SYT1: variants seen among roughly 807,000 people sequenced by gnomAD.
SYT1 encodes the protein synaptotagmin-1.
A neutral mutation model predicts 44.8 loss-of-function variants in SYT1; 8 were observed. The ratio of observed to expected loss-of-function variants is 0.18; its 90% CI spans 0.10 to 0.32. The LOEUF is 0.32. SYT1 is among the 10% of genes least tolerant of loss of function. The probability of loss-of-function intolerance (pLI) is 1.00; values close to 1 mark genes in which losing one functional copy is unlikely to be tolerated. For missense variants in SYT1, 286 were observed against 509.3 expected (o/e 0.56, Z 4.22); for synonymous variants, 154 against 188.8 (o/e 0.82, Z 1.51).
chr12:78,998,374 A>G (rs959231754), intron 2 of SYT1, among the ~76,000 whole-genome samples: 4 of 152,104 alleles, frequency 2.6e-5, no homozygotes, highest in Non-Finnish European at 5.9e-5. Context: ...ACTCAGTGCA[A>G]CCTATGTGTG....
At chr12:78,945,193 GAATA>G (rs1190922670) in intron 1 of SYT1, among the ~76,000 whole-genome samples, 10 of 151,898 alleles carry the variant, frequency 6.6e-5, no homozygotes, top group Non-Finnish European at 1.5e-4. Context: ...TTTTGTTTCA[GAATA>G]AATAAGTAAT....
intron 4 of SYT1, among the ~76,000 whole-genome samples, chr12:79,267,279 G>A (rs1464630061): frequency 6.6e-6 from 1 of 152,122 alleles, no homozygotes; most frequent in African/African-American, 2.4e-5. Context: ...AAGAAACAAA[G>A]TAGATATTAA....
chr12:79,227,905 CAAATTGAG>C (rs1875617856), intron 4 of SYT1, among the ~76,000 whole-genome samples: 1 of 152,094 alleles, frequency 6.6e-6, no homozygotes, highest in African/African-American at 2.4e-5. Context: ...GTCAGTCACC[CAAATTGAG>C]AAAATTCCGG....
chr12:79,349,817 T>A (rs1396887505), intron 8 of SYT1, among the ~76,000 whole-genome samples: 2 of 152,208 alleles, frequency 1.3e-5, no homozygotes, highest in Non-Finnish European at 2.9e-5. Context: ...TATAAATTAC[T>A]ATGCAGCCAT....
intron 3 of SYT1, among the ~76,000 whole-genome samples, chr12:79,067,834 A>T (rs1565790988): frequency 6.6e-6 from 1 of 152,228 alleles, no homozygotes; most frequent in Non-Finnish European, 1.5e-5. Flanking sequence ...TCAAGCTGCC[A>T]TGGGCTAGAA....
At chr12:79,395,341 C>T (rs1469491156) in intron 9 of SYT1, among the ~76,000 whole-genome samples, 1 of 152,114 alleles carries the variant, frequency 6.6e-6, no homozygotes, top group African/African-American at 2.4e-5. Flanking sequence ...GCCTCTGCCT[C>T]CTGAGTAGCT....
chr12:79,047,842 CA>C (rs1874187063), intron 3 of SYT1, among the ~76,000 whole-genome samples: 1 of 151,862 alleles, frequency 6.6e-6, no homozygotes. Context: ...CTCATTAGTA[CA>C]TTTGTTTCTA....
intron 1 of SYT1, among the ~76,000 whole-genome samples, chr12:78,922,770 T>A (rs188952386): frequency 7.9e-5 from 12 of 152,134 alleles, no homozygotes; most frequent in African/African-American, 2.9e-4. Flanking sequence ...TGCCTCAGAA[T>A]GTTCTCTTTG....
intron 3 of SYT1, among the ~76,000 whole-genome samples, chr12:79,123,198 A>C (rs1253422057): frequency 6.6e-6 from 1 of 152,294 alleles, no homozygotes; most frequent in East Asian, 1.9e-4. Context: ...AACCTACCTA[A>C]GTGCCCATCT....
At chr12:78,970,832 C>T (rs934641924) in intron 1 of SYT1, among the ~76,000 whole-genome samples, 4 of 152,008 alleles carry the variant, frequency 2.6e-5, no homozygotes, top group Non-Finnish European at 5.9e-5. Context: ...ATTACCCAAT[C>T]CTCATAACAG....
intron 3 of SYT1, among the ~76,000 whole-genome samples, chr12:79,139,428 C>A (rs1592784379): frequency 6.6e-6 from 1 of 152,108 alleles, no homozygotes; most frequent in Admixed American, 6.6e-5. Context: ...GAATAAGTAT[C>A]CATGTTTCTG....
At chr12:78,891,692 C>T (rs889406755) in intron 1 of SYT1, among the ~76,000 whole-genome samples, 1 of 151,816 alleles carries the variant, frequency 6.6e-6, no homozygotes, top group African/African-American at 2.4e-5. Context: ...TAAAAGGAAA[C>T]TTTGTCAGGG....
chr12:79,007,625 C>T (rs141063813), intron 2 of SYT1, among the ~76,000 whole-genome samples: 13 of 152,112 alleles, frequency 8.5e-5, no homozygotes, highest in South Asian at 6.2e-4. Context: ...AGTTAGTGAA[C>T]GGTTAATTTG....
chr12:79,167,185 T>A (rs1416522503), intron 3 of SYT1, among the ~76,000 whole-genome samples: 1 of 152,024 alleles, frequency 6.6e-6, no homozygotes, highest in Non-Finnish European at 1.5e-5. Flanking sequence ...GATCTCAGAT[T>A]CCCTATGAAA....
intron 1 of SYT1, among the ~76,000 whole-genome samples, chr12:78,959,844 T>C (rs944979063): frequency 1.3e-5 from 2 of 152,154 alleles, no homozygotes; most frequent in African/African-American, 4.8e-5. Flanking sequence ...TAAGTGCATT[T>C]CAATGTTATG....
chr12:78,987,276 C>A (rs562313473), intron 2 of SYT1, among the ~76,000 whole-genome samples: 1 of 152,128 alleles, frequency 6.6e-6, no homozygotes, highest in African/African-American at 2.4e-5. Context: ...AATATGCATT[C>A]ATCAAGTACA....
At chr12:78,922,227 A>G (rs1877048107) in intron 1 of SYT1, among the ~76,000 whole-genome samples, 1 of 151,904 alleles carries the variant, frequency 6.6e-6, no homozygotes, top group African/African-American at 2.4e-5. Context: ...TCCATATTTA[A>G]CACTATTTTC....
At chr12:79,320,261 C>T (rs1881290780) in intron 8 of SYT1, among the ~76,000 whole-genome samples, 1 of 152,148 alleles carries the variant, frequency 6.6e-6, no homozygotes, top group African/African-American at 2.4e-5. Flanking sequence ...CCCTGCTTCT[C>T]ATGAAAGAGA....
intron 3 of SYT1, among the ~76,000 whole-genome samples, chr12:79,126,926 T>G (rs1258189652): frequency 6.6e-6 from 1 of 152,216 alleles, no homozygotes; most frequent in Non-Finnish European, 1.5e-5. Context: ...TAACACATCA[T>G]GCTTGTTTCC....
Sources: allele counts gnomAD v4.1 joint callset (sites outside exome capture counted in the v4.1 genomes callset), GRCh38; gene constraint gnomAD v4.1.1; transcripts MANE v1.5; gene names NCBI Gene and HGNC (gene_info 2026-07-23, HGNC 2026-07-21).